DPYD: variants seen among roughly 807,000 people sequenced by gnomAD.
The protein encoded by DPYD is dihydropyrimidine dehydrogenase [NADP(+)].
A neutral mutation model predicts 116.2 loss-of-function variants in DPYD; 109 were observed. The observed-to-expected ratio is 0.94, with a 90% CI of 0.80 to 1.10. The LOEUF is 1.10. DPYD is among the 50% of genes least tolerant of loss of function. DPYD has a pLI of 0.00. For missense variants in DPYD, 1,302 were observed against 1,254.5 expected (o/e 1.04, Z -0.57); for synonymous variants, 440 against 432.0 (o/e 1.02, Z -0.23).
At chr1:97,242,709 T>C (rs1284628965) in intron 18 of DPYD, among the ~76,000 whole-genome samples, 1 of 151,848 alleles carries the variant, frequency 6.6e-6, no homozygotes, top group Non-Finnish European at 1.5e-5. Context: ...CATCAGTATA[T>C]ATGATGTGAC....
intron 1 of DPYD, among the ~76,000 whole-genome samples, chr1:97,912,932 ATTC>A (rs1484363730): frequency 1.3e-5 from 2 of 152,148 alleles, no homozygotes; most frequent in African/African-American, 4.8e-5. Context: ...TATAGCTTGA[ATTC>A]TGGGGACCCC....
chr1:97,815,005 G>T (rs1250259639), intron 3 of DPYD, among the ~76,000 whole-genome samples: 1 of 148,868 alleles, frequency 6.7e-6, no homozygotes, highest in Non-Finnish European at 1.5e-5. Context: ...AAAAGGGAAA[G>T]GGAAAAGGAA....
chr1:97,916,186 T>A (rs1249098166), intron 1 of DPYD, among the ~76,000 whole-genome samples: 1 of 152,198 alleles, frequency 6.6e-6, no homozygotes, highest in South Asian at 2.1e-4. Context: ...TTAATATTCA[T>A]CTTTTTTTAT....
intron 12 of DPYD, among the ~76,000 whole-genome samples, chr1:97,543,135 T>C (rs1650578190): frequency 6.6e-6 from 1 of 152,196 alleles, no homozygotes; most frequent in Non-Finnish European, 1.5e-5. Flanking sequence ...GTAATAATAA[T>C]AATTTATAAT....
At chr1:97,284,655 T>A (rs1422476720) in intron 18 of DPYD, among the ~76,000 whole-genome samples, 1 of 152,140 alleles carries the variant, frequency 6.6e-6, no homozygotes, top group African/African-American at 2.4e-5. Flanking sequence ...TGTATATTCA[T>A]TATTCTGCTC....
chr1:97,801,975 G>A (rs1278030570), intron 3 of DPYD, among the ~76,000 whole-genome samples: 1 of 151,624 alleles, frequency 6.6e-6, no homozygotes, highest in Non-Finnish European at 1.5e-5. Context: ...TTAGAAGTAG[G>A]ATATAAAATA....
At chr1:97,700,203 G>C (rs1661521797) in intron 5 of DPYD, 1 of 455,740 alleles carries the variant, frequency 2.2e-6, no homozygotes, top group Non-Finnish European at 4.4e-6. Flanking sequence ...AGGGAGGAAG[G>C]CTAAGCATCT....
At chr1:97,653,829 T>C (rs1052499429) in intron 8 of DPYD, among the ~76,000 whole-genome samples, 1 of 152,106 alleles carries the variant, frequency 6.6e-6, no homozygotes, top group Non-Finnish European at 1.5e-5. Context: ...CACACATACA[T>C]AAACACACAC....
At chr1:97,816,443 A>T (rs1047825238) in intron 3 of DPYD, among the ~76,000 whole-genome samples, 1 of 152,108 alleles carries the variant, frequency 6.6e-6, no homozygotes, top group African/African-American at 2.4e-5. Context: ...AAGGCATTAA[A>T]ATAATAGACC....
rs147947737 is a variant in DPYD at position 97,082,205 on chromosome 1, G to A, written c.2907+125C>T. The A allele has an allele frequency of 1.9e-4, 215 of 1,161,102 alleles. No homozygotes were observed. The African/African-American group carries it at 2.7e-3, about 14-fold the overall frequency. The allele number at this position is 1,161,102 out of a possible 1,614,324, so 71.9% of individuals were successfully genotyped here. On this transcript the variant is annotated intron_variant, in intron 22 of 22. Coordinates refer to ENST00000370192, the MANE Select transcript of DPYD (RefSeq NM_000110.4). ...GGGTGACAGGACAGAAAGATGTACT[G>A]TTGCAGAAGAGCAATATTTGGCACC... is the stretch of plus-strand genomic sequence containing the variant.
chr1:97,145,211 T>C (rs898943193), intron 20 of DPYD, among the ~76,000 whole-genome samples: 1 of 152,160 alleles, frequency 6.6e-6, no homozygotes, highest in African/African-American at 2.4e-5. Context: ...TTTTTCTCCA[T>C]GTGCAGCATA....
At chr1:97,627,693 T>C (rs767883852) in intron 8 of DPYD, among the ~76,000 whole-genome samples, 29 of 152,028 alleles carry the variant, frequency 1.9e-4, no homozygotes, top group Non-Finnish European at 3.4e-4. Flanking sequence ...AAAATACTGC[T>C]CTAAATAACA....
intron 1 of DPYD, among the ~76,000 whole-genome samples, chr1:97,919,983 T>C (rs1674422821): frequency 6.6e-6 from 1 of 152,200 alleles, no homozygotes; most frequent in Non-Finnish European, 1.5e-5. Flanking sequence ...AGGAAAATTT[T>C]GTTATTTCTA....
intron 16 of DPYD, among the ~76,000 whole-genome samples, chr1:97,343,211 G>C (rs146321846): frequency 6.6e-6 from 1 of 152,040 alleles, no homozygotes; most frequent in Non-Finnish European, 1.5e-5. Flanking sequence ...ACCATTTACA[G>C]CTATTGATTT....
intron 3 of DPYD, among the ~76,000 whole-genome samples, chr1:97,785,403 T>C (rs1194790093): frequency 1.3e-5 from 2 of 152,178 alleles, no homozygotes; most frequent in Admixed American, 6.5e-5. Context: ...TTTTATGTTA[T>C]GCATATTATT....
intron 5 of DPYD, among the ~76,000 whole-genome samples, chr1:97,714,174 A>C (rs1662461775): frequency 6.6e-6 from 1 of 152,008 alleles, no homozygotes; most frequent in Non-Finnish European, 1.5e-5. Flanking sequence ...GCAGATAAAC[A>C]CTTAACGCTT....
At chr1:97,619,308 T>G (rs1320357772) in intron 8 of DPYD, among the ~76,000 whole-genome samples, 1 of 152,196 alleles carries the variant, frequency 6.6e-6, no homozygotes. Flanking sequence ...AGTATCTTAT[T>G]TATATCAACC....
chr1:97,252,343 T>C (rs977005479), intron 18 of DPYD, among the ~76,000 whole-genome samples: 2 of 152,202 alleles, frequency 1.3e-5, no homozygotes, highest in African/African-American at 4.8e-5. Context: ...CAGCCTATTG[T>C]CAGGACCAAC....
At chr1:97,751,786 A>T (rs1664941770) in intron 3 of DPYD, among the ~76,000 whole-genome samples, 1 of 125,194 alleles carries the variant, frequency 8.0e-6, no homozygotes, top group African/African-American at 3.0e-5. Context: ...TTTTTTTTTG[A>T]GATGGAGTTT....
Sources: gnomAD v4.1 joint callset for allele counts (sites outside exome capture counted in the v4.1 genomes callset) on GRCh38, gnomAD v4.1.1 for gene constraint, MANE v1.5 for transcripts, NCBI Gene and HGNC (gene_info 2026-07-23, HGNC 2026-07-21) for gene names.